PTPRD: variants seen among roughly 807,000 people sequenced by gnomAD.
PTPRD encodes the protein receptor-type tyrosine-protein phosphatase delta.
Under a neutral mutation model 214.5 loss-of-function variants are expected in PTPRD, and 34 were observed. That is an observed-to-expected ratio of 0.16 (90% CI 0.12 to 0.21). The LOEUF (loss-of-function observed/expected upper bound fraction) is 0.21. PTPRD is among the 10% of genes least tolerant of loss of function. PTPRD has a pLI of 1.00. For synonymous variants in PTPRD, 1,128 were observed against 845.7 expected, an observed-to-expected ratio of 1.33 and a Z score of -5.79; for missense variants, 2,545 against 2,398.7, an observed-to-expected ratio of 1.06 and a Z score of -1.27.
At chr9:8,380,851 T>C (rs1408184625) in intron 37 of PTPRD, among the ~76,000 whole-genome samples, 1 of 152,226 alleles carries the variant, frequency 6.6e-6, no homozygotes, top group East Asian at 1.9e-4. Flanking sequence ...TAGCCAACTT[T>C]ATAATCAATT....
intron 7 of PTPRD, among the ~76,000 whole-genome samples, chr9:9,727,462 A>G (rs2098115694): frequency 1.3e-5 from 2 of 152,154 alleles, no homozygotes; most frequent in Non-Finnish European, 2.9e-5. Flanking sequence ...AAATTAAATT[A>G]AATGAAAATA....
chr9:10,298,958 A>T (rs2095778416), intron 3 of PTPRD, among the ~76,000 whole-genome samples: 1 of 152,072 alleles, frequency 6.6e-6, no homozygotes, highest in African/African-American at 2.4e-5. Context: ...CTCAATGCTT[A>T]GTTTCTTCAT....
chr9:8,431,843 A>G (rs1322773918), intron 35 of PTPRD, among the ~76,000 whole-genome samples: 3 of 152,192 alleles, frequency 2.0e-5, no homozygotes, highest in African/African-American at 7.2e-5. Context: ...CTGGCCTCAT[A>G]AAATGAGTTA....
chr9:10,464,477 A>G (rs1377874300), intron 2 of PTPRD, among the ~76,000 whole-genome samples: 1 of 140,384 alleles, frequency 7.1e-6, no homozygotes, highest in Non-Finnish European at 1.6e-5. Context: ...GGAGGAAGGG[A>G]GAAAGACAGG....
chr9:9,223,830 G>A (rs2099957711), intron 9 of PTPRD, among the ~76,000 whole-genome samples: 1 of 151,922 alleles, frequency 6.6e-6, no homozygotes, highest in African/African-American at 2.4e-5. Context: ...GAGTTCGGCT[G>A]AGTACATTAC....
At chr9:9,351,261 G>A (rs1324940636) in intron 9 of PTPRD, among the ~76,000 whole-genome samples, 1 of 151,998 alleles carries the variant, frequency 6.6e-6, no homozygotes, top group African/African-American at 2.4e-5. Flanking sequence ...TTGTAGGAAA[G>A]AGAACATAAA....
intron 9 of PTPRD, among the ~76,000 whole-genome samples, chr9:9,296,111 G>T (rs1386623354): frequency 3.3e-5 from 5 of 151,704 alleles, no homozygotes; most frequent in Non-Finnish European, 5.9e-5. Context: ...ACCAATCATG[G>T]CCAGTTAATG....
intron 8 of PTPRD, among the ~76,000 whole-genome samples, chr9:9,461,124 A>T (rs1333545997): frequency 1.3e-5 from 2 of 152,026 alleles, no homozygotes; most frequent in African/African-American, 4.8e-5. Flanking sequence ...AACAATGGGT[A>T]TACATGAACA....
chr9:10,387,204 C>G (rs1370315107), intron 2 of PTPRD, among the ~76,000 whole-genome samples: 1 of 151,794 alleles, frequency 6.6e-6, no homozygotes, highest in Non-Finnish European at 1.5e-5. Flanking sequence ...AAGGCACTAA[C>G]TTCGCAGTAA....
At chr9:8,823,817 A>G (rs2097124255) in intron 11 of PTPRD, among the ~76,000 whole-genome samples, 1 of 152,234 alleles carries the variant, frequency 6.6e-6, no homozygotes, top group Non-Finnish European at 1.5e-5. Flanking sequence ...TTTGCAGTGC[A>G]AAGTGAAAGC....
At chr9:9,648,230 A>C (rs980751701) in intron 7 of PTPRD, among the ~76,000 whole-genome samples, 1 of 152,092 alleles carries the variant, frequency 6.6e-6, no homozygotes, top group African/African-American at 2.4e-5. Context: ...TTAAAAAAAA[A>C]ACACTAAAGT....
intron 8 of PTPRD, among the ~76,000 whole-genome samples, chr9:9,439,107 T>C (rs2086481552): frequency 6.6e-6 from 1 of 152,140 alleles, no homozygotes; most frequent in Non-Finnish European, 1.5e-5. Flanking sequence ...CATAAAGTAG[T>C]ATAAAGTAGC....
At chr9:10,067,935 C>A (rs1485621606) in intron 3 of PTPRD, among the ~76,000 whole-genome samples, 2 of 151,872 alleles carry the variant, frequency 1.3e-5, no homozygotes, top group Non-Finnish European at 2.9e-5. Flanking sequence ...GTTACTGAAC[C>A]TGAAGTTGGG....
intron 3 of PTPRD, among the ~76,000 whole-genome samples, chr9:10,325,741 T>C (rs2096631851): frequency 6.6e-6 from 1 of 151,936 alleles, no homozygotes; most frequent in African/African-American, 2.4e-5. Flanking sequence ...ATACATATCA[T>C]ATTCAATAAT....
chr9:9,338,181 C>G (rs529144660), intron 9 of PTPRD, among the ~76,000 whole-genome samples: 177 of 152,282 alleles, frequency 1.2e-3, no homozygotes, highest in African/African-American at 4.1e-3. Flanking sequence ...GAGCAATGCT[C>G]AGTGCTAGTG....
At chr9:10,368,802 T>C (rs1004180618) in intron 2 of PTPRD, among the ~76,000 whole-genome samples, 3 of 152,094 alleles carry the variant, frequency 2.0e-5, no homozygotes, top group African/African-American at 4.8e-5. Context: ...TGGAAAGACA[T>C]ATGGCAAATC....
At chr9:10,178,054 T>A (rs1471208137) in intron 3 of PTPRD, among the ~76,000 whole-genome samples, 1 of 151,930 alleles carries the variant, frequency 6.6e-6, no homozygotes, top group Non-Finnish European at 1.5e-5. Context: ...TTGCACTGCT[T>A]TCCTTGTACT....
At chr9:9,531,349 G>A (rs139274677) in intron 8 of PTPRD, among the ~76,000 whole-genome samples, 9 of 152,244 alleles carry the variant, frequency 5.9e-5, no homozygotes, top group South Asian at 2.1e-4. Flanking sequence ...GAGAGAATAT[G>A]TGGCATATAA....
At position 9,871,851 on chromosome 9, in the gene PTPRD, C is replaced by A. The variant is rs559085591; in HGVS notation, c.-368+66656G>T. 3.9e-5 allele frequency among the ~76,000 whole-genome samples: 6 copies of A among 152,286 alleles called. No homozygotes were observed. The East Asian group carries it at 1.2e-3, about 29-fold the overall frequency. On this transcript the variant is annotated intron_variant, in intron 5 of 45. Coordinates refer to ENST00000381196, the MANE Select transcript of PTPRD (RefSeq NM_002839.4). ...GCCTGGGGGGAGGGGTTGGCTTGAT[C>A]TTTTCCTTTAACAATAGGAATGCAT...
Sources: gnomAD v4.1 joint callset for allele counts (sites outside exome capture counted in the v4.1 genomes callset) on GRCh38, gnomAD v4.1.1 for gene constraint, MANE v1.5 for transcripts, NCBI Gene and HGNC (gene_info 2026-07-23, HGNC 2026-07-21) for gene names.